Variants in AVEN observed in about 807,000 individuals in gnomAD.
The protein encoded by AVEN is cell death regulator Aven.
AVEN carries 41 observed loss-of-function variants against 38.1 expected under a neutral mutation model. The ratio of observed to expected loss-of-function variants is 1.08; its 90% CI spans 0.84 to 1.40. The LOEUF (loss-of-function observed/expected upper bound fraction) is 1.40, where lower values mean the gene tolerates loss of function less well. AVEN is among the 40% of genes most tolerant of loss of function. The probability of loss-of-function intolerance (pLI) is 0.00; values close to 1 mark genes in which losing one functional copy is unlikely to be tolerated. For missense variants in AVEN, 605 were observed against 438.8 expected, an observed-to-expected ratio of 1.38 and a Z score of -3.38; for synonymous variants, 206 against 171.8, an observed-to-expected ratio of 1.20 and a Z score of -1.56.
chr15:33,943,201 G>A lies in AVEN; in HGVS notation c.445+59831C>T, dbSNP rs117432268. Reference sequence around the variant, plus strand: ...ACAATTCACAATAGCCAAGAGGTAGGGGCAACCCAAGTGTCTGTTGAATGG... The same window carrying A: ...ACAATTCACAATAGCCAAGAGGTAGAGGCAACCCAAGTGTCTGTTGAATGG... On this transcript the variant is annotated intron_variant, in intron 2 of 5. Transcript: ENST00000306730. 8.2e-3 allele frequency among the ~76,000 whole-genome samples: 1,242 copies of A among 152,210 alleles called. 10 individuals carry two copies. Among genetic ancestry groups the A allele is most frequent in the Non-Finnish European group, 0.014 (955 of 68,010 alleles).
chr15:33,860,212 G>A (rs559880768), intron 11 of AVEN, among the ~76,000 whole-genome samples: 2 of 152,302 alleles, frequency 1.3e-5, no homozygotes, highest in East Asian at 3.9e-4. Flanking sequence ...GGTGTTGAGG[G>A]CTAAGAAGTG....
chr15:34,068,546 C>T (rs1337669002), intron 2 of AVEN, among the ~76,000 whole-genome samples: 1 of 152,108 alleles, frequency 6.6e-6, no homozygotes, highest in Non-Finnish European at 1.5e-5. Context: ...GATTATTTTA[C>T]ATAACCTCAA....
At chr15:34,028,673 G>A (rs1898614437) in intron 1 of AVEN, among the ~76,000 whole-genome samples, 2 of 152,188 alleles carry the variant, frequency 1.3e-5, no homozygotes, top group South Asian at 4.1e-4. Flanking sequence ...TCTAATGTCA[G>A]TCCTTACAAC....
At chr15:34,035,148 G>C (rs1191220159) in intron 1 of AVEN, among the ~76,000 whole-genome samples, 1 of 152,110 alleles carries the variant, frequency 6.6e-6, no homozygotes, top group Non-Finnish European at 1.5e-5. Flanking sequence ...TACTACTCAG[G>C]CTTTGTTTAC....
intron 5 of AVEN, 82 bp downstream of exon 5, chr15:33,867,413 G>C: frequency 6.7e-7 from 1 of 1,488,072 alleles, no homozygotes; most frequent in Non-Finnish European, 9.0e-7. Context: ...CCAGAGGGAT[G>C]TGTGCGGATG....
intron 5 of AVEN, among the ~76,000 whole-genome samples, chr15:34,048,784 G>C (rs184679487): frequency 2.0e-5 from 3 of 152,328 alleles, no homozygotes; most frequent in Admixed American, 6.5e-5. Flanking sequence ...GCCTAGGTGT[G>C]TCTGGGCCAG....
At chr15:33,966,189 A>C (rs1895374016) in intron 2 of AVEN, among the ~76,000 whole-genome samples, 2 of 152,142 alleles carry the variant, frequency 1.3e-5, no homozygotes, top group South Asian at 2.1e-4. Flanking sequence ...CAGAACCTGC[A>C]TATTTGCAAA....
chr15:33,853,736 G>A, the AVEN span: 1 of 1,571,476 alleles, frequency 6.4e-7, no homozygotes, highest in Non-Finnish European at 8.6e-7. Context: ...ATAGATCTTT[G>A]CTTTTCCATA....
At chr15:33,865,509 G>C, downstream of AVEN, 1 of 332,508 alleles carries the variant, frequency 3.0e-6, no homozygotes, top group Non-Finnish European at 5.5e-6. Flanking sequence ...GAGGTAACTA[G>C]TTCAGTTTGT....
At chr15:33,976,213 A>G (rs1280052928) in intron 2 of AVEN, among the ~76,000 whole-genome samples, 4 of 152,332 alleles carry the variant, frequency 2.6e-5, no homozygotes, top group Non-Finnish European at 5.9e-5. Flanking sequence ...AATTATTATG[A>G]CATACTATTT....
At chr15:33,915,343 G>A (rs938875799) in intron 2 of AVEN, among the ~76,000 whole-genome samples, 9 of 152,098 alleles carry the variant, frequency 5.9e-5, no homozygotes, top group South Asian at 2.1e-4. Context: ...AAACTGTTGC[G>A]TGCCCAGAGT....
In AVEN at chr15:33,948,231, G is replaced by C. The variant is rs1228840665; in HGVS notation, c.445+54801C>G. Among the ~76,000 whole-genome samples, 4 of 151,884 alleles carry C rather than the reference G, an allele frequency of 2.6e-5. No homozygotes were observed. In the East Asian group the frequency reaches 5.8e-4, roughly 22 times the overall value. Reference sequence around the variant, plus strand: ...TCTGCCTCGCCCTCCTGAGTAGCTGGAATTACAGGCACCCGCCACCACGCC... The same window carrying C: ...TCTGCCTCGCCCTCCTGAGTAGCTGCAATTACAGGCACCCGCCACCACGCC... On this transcript the variant is annotated intron_variant, in intron 2 of 5. Coordinates refer to ENST00000306730, the MANE Select transcript of AVEN (RefSeq NM_020371.3).
In AVEN at chr15:33,867,564, T is replaced by C; in HGVS notation, c.904A>G (p.Ile302Val). ...LDAPIKEGDN[I>V]LPDQTSQDLK... ...TCCTGAGACGTCTGATCTGGTAAGA[T>C]GTTATCTCCCTCTTTTATAGGTGCA... Residue 302 changes from isoleucine to valine, a missense_variant, in exon 5 of 6, where the codon ATC becomes GTC. By Grantham distance (29) the Ile-to-Val change is conservative. Transcript: ENST00000306730. The C allele has an allele frequency of 6.2e-7, 1 of 1,614,088 alleles. No individual in the cohort carries two copies. The highest frequency in any genetic ancestry group is 8.5e-7 in the Non-Finnish European group (1 of 1,179,994).
At chr15:34,042,072 G>A (rs1418395839), upstream of AVEN, among the ~76,000 whole-genome samples, 3 of 152,100 alleles carry the variant, frequency 2.0e-5, no homozygotes, top group East Asian at 1.9e-4. Flanking sequence ...ACAAGGATAC[G>A]GTATATGCTG....
At chr15:33,861,369 G>T (rs150100221), downstream of AVEN, among the ~76,000 whole-genome samples, 1 of 152,014 alleles carries the variant, frequency 6.6e-6, no homozygotes, top group Non-Finnish European at 1.5e-5. Flanking sequence ...GACAATTCCC[G>T]CTCCTAGCAA....
At chr15:33,871,089 T>A in intron 3 of AVEN, 59 bp from the exon 4 acceptor site, 1 of 1,126,814 alleles carries the variant, frequency 8.9e-7, no homozygotes, top group Non-Finnish European at 1.2e-6. Context: ...CTTTTGGAAA[T>A]AAAAGAAGAA....
chr15:33,858,568 C>T (rs2153010345), downstream of AVEN: 1 of 71,458 alleles, frequency 1.4e-5, no homozygotes, highest in East Asian at 3.5e-4. Flanking sequence ...GAGCTTTGAT[C>T]ATCGTCTCTC....
At chr15:33,961,762 G>A (rs113993358) in intron 2 of AVEN, among the ~76,000 whole-genome samples, 25,877 of 141,230 alleles carry the variant, frequency 0.18, 6,974 homozygotes, top group African/African-American at 0.61. Flanking sequence ...GCAGTGAGCC[G>A]AGATCGCGCC....
rs551655779 is a variant in AVEN, at chr15:33,899,995, G to A, written c.446-24000C>T. Among the ~76,000 whole-genome samples the A allele has an allele frequency of 2.0e-5, 3 of 151,382 alleles. No individual in the cohort carries two copies. In the South Asian group the frequency reaches 6.3e-4, roughly 32 times the overall value. On this transcript the variant is annotated intron_variant, in intron 2 of 5. Coordinates refer to ENST00000306730, the MANE Select transcript of AVEN (RefSeq NM_020371.3). The stretch of plus-strand genomic sequence containing the variant: ...TGTGCAAAGAAGTAAACAGAACAGA[G>A]AATCTAACTTACAGCAATTCAATGG...
Sources: allele counts gnomAD v4.1 joint callset (sites outside exome capture counted in the v4.1 genomes callset), GRCh38; gene constraint gnomAD v4.1.1; transcripts MANE v1.5; gene names NCBI Gene and HGNC (gene_info 2026-07-23, HGNC 2026-07-21).